The following KANK1 variants were observed in gnomAD, a reference collection of about 807,000 sequenced individuals.
The protein encoded by KANK1 is KN motif and ankyrin repeat domain-containing protein 1.
Under a neutral mutation model 106.2 loss-of-function variants are expected in KANK1, and 109 were observed. The ratio of observed to expected loss-of-function variants is 1.03; its 90% confidence interval spans 0.88 to 1.20. KANK1 has a LOEUF of 1.20. Ranked by LOEUF, KANK1 falls within the 50% of genes most tolerant of loss-of-function variation. The probability of loss-of-function intolerance (pLI) is 0.00; values close to 1 mark genes in which losing one functional copy is unlikely to be tolerated. For missense variants in KANK1, 2,399 were observed against 1,710.7 expected (o/e 1.40, Z -7.10); for synonymous variants, 873 against 652.2 (o/e 1.34, Z -5.16).
Position 712,743 on chromosome 9 carries a change from A to G in KANK1, c.1977A>G (p.Glu659=). 1 of 1,613,954 alleles carries G rather than the reference A, an allele frequency of 6.2e-7. No individual in the cohort carries two copies. Among genetic ancestry groups the G allele is most frequent in the Non-Finnish European group, 8.5e-7 (1 of 1,179,922 alleles). Residue 659 remains glutamate (E), a synonymous_variant, in exon 3 of 12, where the codon GAA becomes GAG. Coordinates refer to ENST00000382297, the MANE Select transcript of KANK1 (RefSeq NM_015158.5). ...ACACTGAGGCTGTTAGCCAGGTGGAAGCTGCCGTCATGGCAGTGCCTCGTA... is the reference window on the plus strand; with the variant it reads ...ACACTGAGGCTGTTAGCCAGGTGGAGGCTGCCGTCATGGCAGTGCCTCGTA... ...GVNTEAVSQV[E]AAVMAVPRTA...
chr9:528,805 A>AT (rs199519060), intron 1 of KANK1, among the ~76,000 whole-genome samples: 5 of 149,994 alleles, frequency 3.3e-5, no homozygotes, highest in Admixed American at 6.6e-5. Flanking sequence ...ATATGTCTCA[A>AT]TTTTTTTTTC....
intron 10 of KANK1, among the ~76,000 whole-genome samples, chr9:743,463 G>C (rs1299944530): frequency 6.6e-6 from 1 of 152,104 alleles, no homozygotes; most frequent in Non-Finnish European, 1.5e-5. Flanking sequence ...GTTTTTGTTT[G>C]ATTTTACTTC....
At chr9:624,814 A>G (rs1229060830) in intron 1 of KANK1, among the ~76,000 whole-genome samples, 1 of 151,996 alleles carries the variant, frequency 6.6e-6, no homozygotes, top group East Asian at 1.9e-4. Context: ...ACAAACAAAA[A>G]CAATATCCCC....
At chr9:502,592 C>T (rs997969667), upstream of KANK1, among the ~76,000 whole-genome samples, 2 of 151,180 alleles carry the variant, frequency 1.3e-5, no homozygotes, top group African/African-American at 2.4e-5. Context: ...GGCATGATCT[C>T]GGCTCACTGC....
At chr9:602,035 CT>C (rs979887034) in intron 1 of KANK1, among the ~76,000 whole-genome samples, 3 of 151,852 alleles carry the variant, frequency 2.0e-5, no homozygotes, top group Admixed American at 2.0e-4. Flanking sequence ...TAGTCAGTCA[CT>C]TTGATGTAAA....
intron 1 of KANK1, among the ~76,000 whole-genome samples, chr9:556,223 A>G (rs1175958968): frequency 1.3e-5 from 2 of 152,248 alleles, no homozygotes; most frequent in Non-Finnish European, 2.9e-5. Context: ...AGTGAGAAGT[A>G]TTAGAATTTA....
intron 3 of KANK1, among the ~76,000 whole-genome samples, chr9:497,548 A>C (rs1256778195): frequency 6.6e-6 from 1 of 151,958 alleles, no homozygotes; most frequent in Non-Finnish European, 1.5e-5. Context: ...CTTTCAAAAA[A>C]CCCTTAATTA....
chr9:564,306 C>G (rs934964660), intron 1 of KANK1, among the ~76,000 whole-genome samples: 1 of 152,028 alleles, frequency 6.6e-6, no homozygotes, highest in Non-Finnish European at 1.5e-5. Context: ...CATGACTCCG[C>G]CCGCCTCAGC....
intron 3 of KANK1, among the ~76,000 whole-genome samples, chr9:728,833 C>CA (rs1831444767): frequency 6.6e-6 from 1 of 152,220 alleles, no homozygotes; most frequent in African/African-American, 2.4e-5. Context: ...ATTTGCCAAT[C>CA]AGAGTATCTT....
At position 644,571 on chromosome 9, in the gene KANK1, C is replaced by G. The variant is rs140518869; in HGVS notation, c.-83-32319C>G. On this transcript the variant is annotated intron_variant, in intron 1 of 11. Coordinates refer to ENST00000382297, the MANE Select transcript of KANK1 (RefSeq NM_015158.5). ...AGAGAGAGGAGAGAGGTGCTACACGCTTTTAAATAACCAGATCTCACAGTA... is the reference window on the plus strand; with the variant it reads ...AGAGAGAGGAGAGAGGTGCTACACGGTTTTAAATAACCAGATCTCACAGTA... Among the ~76,000 whole-genome samples the G allele has an allele frequency of 5.5e-3, 831 of 150,640 alleles. 60 individuals carry two copies. Among genetic ancestry groups the G allele is most frequent in the African/African-American group, 0.02 (783 of 40,034 alleles).
At chr9:699,100 C>T (rs774709449) in intron 2 of KANK1, among the ~76,000 whole-genome samples, 1 of 152,200 alleles carries the variant, frequency 6.6e-6, no homozygotes, top group Non-Finnish European at 1.5e-5. Flanking sequence ...CACACATCCC[C>T]ACCACACTGC....
At chr9:471,250 C>A (rs955232392) in intron 2 of KANK1, among the ~76,000 whole-genome samples, 1 of 152,260 alleles carries the variant, frequency 6.6e-6, no homozygotes, top group Non-Finnish European at 1.5e-5. Context: ...ATAGTGCCAG[C>A]TGAGTGGAAT....
chr9:512,796 G>C (rs536795328), intron 1 of KANK1, among the ~76,000 whole-genome samples: 1 of 152,250 alleles, frequency 6.6e-6, no homozygotes, highest in South Asian at 2.1e-4. Flanking sequence ...GACAGTGTCT[G>C]TTAACTTCCT....
At chr9:505,699 C>T (rs919627387) in intron 1 of KANK1, among the ~76,000 whole-genome samples, 2 of 152,232 alleles carry the variant, frequency 1.3e-5, no homozygotes, top group Non-Finnish European at 2.9e-5. Flanking sequence ...CGCCAGCGCT[C>T]GCTTTCCGCA....
intron 1 of KANK1, among the ~76,000 whole-genome samples, chr9:506,699 C>T (rs1458234165): frequency 1.3e-5 from 2 of 152,204 alleles, no homozygotes; most frequent in African/African-American, 2.4e-5. Context: ...AGACTAGTTT[C>T]ATTTCATGAG....
chr9:552,750 AT>A (rs1321221870), intron 1 of KANK1, among the ~76,000 whole-genome samples: 1 of 152,162 alleles, frequency 6.6e-6, no homozygotes, highest in Non-Finnish European at 1.5e-5. Context: ...ATATTTTGAA[AT>A]GTTTTCTCTT....
intron 3 of KANK1, among the ~76,000 whole-genome samples, chr9:724,823 G>T (rs115871219): frequency 0.038 from 5,710 of 152,126 alleles, 351 homozygotes; most frequent in African/African-American, 0.13. Flanking sequence ...GAGTGTTCTG[G>T]CATTCAGTGA....
chr9:711,933 C>T lies in KANK1; in HGVS notation c.1167C>T (p.Ser389=). Residue 389 remains serine (S), a synonymous_variant, in exon 3 of 12, where the codon TCC becomes TCT. Transcript: ENST00000382297. Reference sequence around the variant, plus strand: ...TCCAGGACAGCAGCTGTGAGGCCTCCTCAGAGCTCAGGGAGAATGGAGAGT... The same window carrying T: ...TCCAGGACAGCAGCTGTGAGGCCTCTTCAGAGCTCAGGGAGAATGGAGAGT... The part of the protein sequence containing the change: ...QKIQDSSCEA[S]SELRENGECR... 3 of 1,614,194 alleles carry T rather than the reference C, an allele frequency of 1.9e-6. No individual in the cohort carries two copies. Among genetic ancestry groups the T allele is most frequent in the Non-Finnish European group, 2.5e-6 (3 of 1,180,044 alleles).
intron 1 of KANK1, among the ~76,000 whole-genome samples, chr9:571,564 T>C (rs201115390): frequency 7.3e-6 from 1 of 136,872 alleles, no homozygotes; most frequent in South Asian, 2.4e-4. Context: ...CACTTCTAAA[T>C]AAAAAAAAAA....
Sources: allele counts gnomAD v4.1 joint callset (sites outside exome capture counted in the v4.1 genomes callset), GRCh38; gene constraint gnomAD v4.1.1; transcripts MANE v1.5; gene names NCBI Gene and HGNC (gene_info 2026-07-23, HGNC 2026-07-21).